Variants in DENND4A observed in about 807,000 individuals in gnomAD.
DENND4A encodes the protein DENN domain containing 4A, also known as C-myc promoter-binding protein.
Under a neutral mutation model 199.3 loss-of-function variants are expected in DENND4A, and 70 were observed. That is an observed-to-expected ratio of 0.35 (90% CI 0.29 to 0.43). DENND4A has a LOEUF of 0.43. Ranked by LOEUF, DENND4A falls within the 20% of genes least tolerant of loss-of-function variation. DENND4A has a pLI of 1.00. For synonymous variants in DENND4A, 686 were observed against 766.9 expected, an observed-to-expected ratio of 0.89 and a Z score of 1.74; for missense variants, 1,723 against 2,255.8, an observed-to-expected ratio of 0.76 and a Z score of 4.78.
rs1358550506 is a variant in DENND4A, at chr15:65,732,816, T to C, written c.1043A>G (p.His348Arg). Residue 348 changes from histidine to arginine, a missense_variant and splice_region_variant, in exon 8 of 33, where the codon CAT becomes CGT. His to Arg is a conservative substitution (Grantham distance 29). Around this residue, in one of 6 missense-constraint regions of DENND4A, gnomAD observed 725 missense variants for 952.9 expected, o/e 0.76. Transcript: ENST00000443035. The part of the protein sequence containing the change: ...SGPHVLPIEK[H>R]ISHFMHKVPF... ...AACTTTATGCATAAAATGAGAAATATGCCTTGAAAACAAACAAAAGTGTAA... is the reference window on the plus strand; with the variant it reads ...AACTTTATGCATAAAATGAGAAATACGCCTTGAAAACAAACAAAAGTGTAA... 1 of 1,585,740 alleles carries C rather than the reference T, an allele frequency of 6.3e-7. No homozygotes were observed. Among genetic ancestry groups the C allele is most frequent in the South Asian group, 1.1e-5 (1 of 89,534 alleles).
At chr15:65,708,545 A>T (rs778175409) in intron 14 of DENND4A, among the ~76,000 whole-genome samples, 8 of 152,234 alleles carry the variant, frequency 5.3e-5, no homozygotes, top group Non-Finnish European at 1.5e-5. Context: ...TCATTTTAAC[A>T]TTATAAAAAT....
At chr15:65,717,147 C>A (rs1017680960) in intron 13 of DENND4A, among the ~76,000 whole-genome samples, 1 of 151,952 alleles carries the variant, frequency 6.6e-6, no homozygotes, top group African/African-American at 2.4e-5. Flanking sequence ...TGTCTCTCAT[C>A]TTTTACTTTT....
At chr15:65,673,305 C>CA (rs1395525853) in intron 24 of DENND4A, among the ~76,000 whole-genome samples, 1 of 151,610 alleles carries the variant, frequency 6.6e-6, no homozygotes, top group Non-Finnish European at 1.5e-5. Flanking sequence ...CCTGTTTCTA[C>CA]AAAAAATACA....
Position 65,667,694 on chromosome 15 carries a change from C to T in DENND4A, c.4996G>A (p.Gly1666Ser), listed in dbSNP as rs754336159. 6.2e-7 allele frequency: 1 copy of T among 1,610,240 alleles called. No homozygotes were observed. The highest frequency in any genetic ancestry group is 2.2e-5 in the East Asian group (1 of 44,862). ...ATLQGATDSL[G>S]LEWHLPSPDP... ...GGACTTGGAAGGTGCCATTCTAAAC[C>T]TAAAGAATCCTGTTGAATAAATAAA... The change falls in exon 29 of 33, where the codon GGT becomes AGT. Residue 1666 changes from glycine to serine, a missense_variant. Gly to Ser is a moderately conservative substitution (Grantham distance 56). Transcript: ENST00000443035.
In DENND4A at chr15:65,659,343, T is replaced by G. The variant is rs1406742874; in HGVS notation, c.*2508A>C. The G allele has an allele frequency of 7.3e-6, 1 of 136,506 alleles. No homozygotes were observed. Among genetic ancestry groups the G allele is most frequent in the Non-Finnish European group, 1.6e-5 (1 of 62,948 alleles). The allele number at this position is 136,506 out of a possible 1,614,324, so 8.5% of individuals were successfully genotyped here. ...TCTGGTTTTTTTTTTTTTTTTTTTT[T>G]TTTTTTTTGAGACAGGGTCTTGCTC... On this transcript the variant is annotated 3_prime_UTR_variant, in exon 33 of 33. Transcript: ENST00000443035.
In DENND4A at chr15:65,743,167, A is replaced by G. The variant is rs146059376; in HGVS notation, c.562-1383T>C. On this transcript the variant is annotated intron_variant, in intron 4 of 32. Coordinates refer to ENST00000443035, the MANE Select transcript of DENND4A (RefSeq NM_001320835.1). ...ACTACATAAACGAGTGATCCTTTTAAATCAAATGTCAGAGCATGTCACTAT... is the reference window on the plus strand; with the variant it reads ...ACTACATAAACGAGTGATCCTTTTAGATCAAATGTCAGAGCATGTCACTAT... Among the ~76,000 whole-genome samples, 6 of 152,256 alleles carry G rather than the reference A, an allele frequency of 3.9e-5. No homozygotes were observed. The East Asian group carries it at 1.2e-3, about 29-fold the overall frequency.
At chr15:65,680,260 A>G (rs2076526722) in intron 23 of DENND4A, among the ~76,000 whole-genome samples, 1 of 152,318 alleles carries the variant, frequency 6.6e-6, no homozygotes, top group African/African-American at 2.4e-5. Flanking sequence ...TTCTGTATTC[A>G]GGCATTTTCA....
intron 9 of DENND4A, chr15:65,731,261 T>A (rs534649986): frequency 2.6e-5 from 8 of 305,342 alleles, no homozygotes; most frequent in African/African-American, 1.7e-4. Flanking sequence ...ATTAGAACTA[T>A]TTTTTTTCTT....
chr15:65,762,015 G>A (rs2076863241), intron 1 of DENND4A, among the ~76,000 whole-genome samples: 1 of 152,038 alleles, frequency 6.6e-6, no homozygotes, highest in South Asian at 2.1e-4. Context: ...TGTTATTGTT[G>A]TTGTTTTTGA....
At chr15:65,708,634 G>A (rs2075139071) in intron 14 of DENND4A, among the ~76,000 whole-genome samples, 1 of 151,856 alleles carries the variant, frequency 6.6e-6, no homozygotes, top group Non-Finnish European at 1.5e-5. Flanking sequence ...TCTCTATCGA[G>A]AGAAAAAGAA....
At position 65,715,584 on chromosome 15, in the gene DENND4A, T is replaced by C. The variant is rs2075372602; in HGVS notation, c.1847A>G (p.Tyr616Cys). ...RSRDRSHQKFYNMMTKTQMFI... is the reference protein window; with the variant it reads ...RSRDRSHQKFCNMMTKTQMFI... ...CATTTGTGTTTTGGTCATCATGTTA[T>C]AGAATTTTTGATGTGACCGGTCCCG... The change falls in exon 14 of 33, where the codon TAT becomes TGT. Residue 616 changes from tyrosine to cysteine, a missense_variant. Coordinates refer to ENST00000443035, the MANE Select transcript of DENND4A (RefSeq NM_001320835.1). 3 of 1,594,302 alleles carry C rather than the reference T, an allele frequency of 1.9e-6. No homozygotes were observed. Among genetic ancestry groups the C allele is most frequent in the African/African-American group, 1.3e-5 (1 of 74,530 alleles).
intron 2 of DENND4A, among the ~76,000 whole-genome samples, chr15:65,759,122 A>G (rs1419796193): frequency 6.6e-6 from 1 of 152,196 alleles, no homozygotes; most frequent in Non-Finnish European, 1.5e-5. Flanking sequence ...AATTCATGAC[A>G]CATTTCTTGG....
intron 30 of DENND4A, 174 bp downstream of exon 30, chr15:65,665,171 G>A (rs2075993868): frequency 3.7e-6 from 2 of 541,122 alleles, no homozygotes; most frequent in Non-Finnish European, 6.4e-6. Context: ...CTCCATAGAA[G>A]GTAGCACTAA....
intron 1 of DENND4A, among the ~76,000 whole-genome samples, chr15:65,775,103 G>A (rs1021865425): frequency 6.6e-6 from 1 of 151,922 alleles, no homozygotes; most frequent in Admixed American, 6.6e-5. Flanking sequence ...GAAGGTCCAG[G>A]CTTATACAGG....
chr15:65,757,026 A>G (rs1208866146), intron 2 of DENND4A, among the ~76,000 whole-genome samples: 1 of 152,122 alleles, frequency 6.6e-6, no homozygotes, highest in Non-Finnish European at 1.5e-5. Flanking sequence ...AAAAAGAGTG[A>G]AACTCCATCT....
At chr15:65,743,708 A>G (rs2140498383) in intron 4 of DENND4A, among the ~76,000 whole-genome samples, 1 of 152,352 alleles carries the variant, frequency 6.6e-6, no homozygotes, top group South Asian at 2.1e-4. Flanking sequence ...GGTACTCCAT[A>G]AAGTATTTGC....
intron 4 of DENND4A, among the ~76,000 whole-genome samples, chr15:65,751,635 G>A (rs543736231): frequency 2.0e-5 from 3 of 152,178 alleles, no homozygotes; most frequent in African/African-American, 4.8e-5. Flanking sequence ...GAAAGGGAAT[G>A]ACTGGTGAGG....
At position 65,746,369 on chromosome 15, in the gene DENND4A, C is replaced by CTTTTTTTTTTTTTTT. The variant is rs573935476; in HGVS notation, c.562-4600_562-4586dup. On this transcript the variant is annotated intron_variant, in intron 4 of 32. Transcript: ENST00000443035. ...CTTGTTAACAATTCTACTTTTTTCT[C>CTTTTTTTTTTTTTTT]TTTTTTTTTTTTTTTTTTTTTTTTT... 1.4e-4 allele frequency among the ~76,000 whole-genome samples: 7 copies of CTTTTTTTTTTTTTTT among 51,270 alleles called. 2 individuals carry two copies. Among genetic ancestry groups the CTTTTTTTTTTTTTTT allele is most frequent in the Non-Finnish European group, 1.8e-4 (5 of 27,576 alleles). The allele number at this position is 51,270 out of a possible 152,430, so 33.6% of individuals were successfully genotyped here. A position where few individuals can be genotyped will look rare whatever the true frequency, so the allele number is the denominator to read the frequency against.
chr15:65,778,349 G>A (rs1482381468), intron 1 of DENND4A, among the ~76,000 whole-genome samples: 3 of 142,724 alleles, frequency 2.1e-5, no homozygotes, highest in African/African-American at 5.2e-5. Flanking sequence ...ACAAGCCAAA[G>A]TAACACTGTA....
Sources: allele counts gnomAD v4.1 joint callset (sites outside exome capture counted in the v4.1 genomes callset), GRCh38; gene constraint gnomAD v4.1.1; regional missense constraint gnomAD v4.1.1; transcripts MANE v1.5; gene names NCBI Gene and HGNC (gene_info 2026-07-23, HGNC 2026-07-21).